Variants in N4BP2 observed in about 807,000 individuals in gnomAD.
N4BP2 encodes the protein NEDD4 binding protein 2.
A neutral mutation model predicts 152.8 loss-of-function variants in N4BP2; 91 were observed. The ratio of observed to expected loss-of-function variants is 0.60; its 90% CI spans 0.50 to 0.71. N4BP2 has a LOEUF of 0.71. Among genes scored for constraint, N4BP2 ranks in the 30% least tolerant of loss-of-function variants. N4BP2 has a pLI of 0.00. For missense variants in N4BP2, 1,923 were observed against 2,059.1 expected, an observed-to-expected ratio of 0.93 and a Z score of 1.28; for synonymous variants, 646 against 705.3, an observed-to-expected ratio of 0.92 and a Z score of 1.33.
chr4:40,163,813 C>A, the N4BP2 span, among the ~76,000 whole-genome samples: 1 of 152,218 alleles, frequency 6.6e-6, no homozygotes, highest in African/African-American at 2.4e-5. Flanking sequence ...TTTTGTGTTA[C>A]ACCTGGAAGC....
chr4:40,103,509 G>A (rs1715910565), intron 4 of N4BP2, among the ~76,000 whole-genome samples: 1 of 152,168 alleles, frequency 6.6e-6, no homozygotes, highest in Admixed American at 6.5e-5. Flanking sequence ...ATTTGAGTGG[G>A]AGAAAGATGA....
In N4BP2 at chr4:40,063,226, T is replaced by TAGGGGAA. The variant is rs147926795; in HGVS notation, c.-212+6198_-212+6204dup. Reference sequence around the variant, plus strand: ...CAGAAATACAGCTTGAAGTAGCCTGTAGGGGAAAAAGTTATTGGTTCATAT... The same window carrying TAGGGGAA: ...CAGAAATACAGCTTGAAGTAGCCTGTAGGGGAAAGGGGAAAAAGTTATTGGTTCATAT... On this transcript the variant is annotated intron_variant, in intron 1 of 17. Coordinates refer to ENST00000261435, the MANE Select transcript of N4BP2 (RefSeq NM_018177.6). 2.2e-3 allele frequency among the ~76,000 whole-genome samples: 339 copies of TAGGGGAA among 152,262 alleles called. 1 individual carries two copies. Among genetic ancestry groups the TAGGGGAA allele is most frequent in the Non-Finnish European group, 4.1e-3 (277 of 68,014 alleles).
intron 1 of N4BP2, among the ~76,000 whole-genome samples, chr4:40,063,071 G>A (rs567617639): frequency 1.8e-4 from 28 of 152,316 alleles, no homozygotes; most frequent in African/African-American, 6.5e-4. Context: ...TTTGATAGAT[G>A]AAAGTTTTCT....
At chr4:40,111,952 A>G in intron 5 of N4BP2, 132 bp from the exon 6 acceptor site, 1 of 565,560 alleles carries the variant, frequency 1.8e-6, no homozygotes, top group South Asian at 2.4e-5. Flanking sequence ...CCTCAAAGGG[A>G]TATTTAGAAG....
intron 13 of N4BP2, among the ~76,000 whole-genome samples, chr4:40,136,531 C>T (rs794012): frequency 0.094 from 14,365 of 152,086 alleles, 689 homozygotes; most frequent in East Asian, 0.13. Flanking sequence ...GGATTACAGG[C>T]GCGCGTCACC....
chr4:40,133,456 C>G (rs1380244874), intron 13 of N4BP2, among the ~76,000 whole-genome samples: 2 of 152,048 alleles, frequency 1.3e-5, no homozygotes, highest in Admixed American at 1.3e-4. Flanking sequence ...CTGCCTCAGC[C>G]TCCTAAGTAG....
At chr4:40,178,013 C>G in the N4BP2 span, among the ~76,000 whole-genome samples, 1 of 151,924 alleles carries the variant, frequency 6.6e-6, no homozygotes, top group Non-Finnish European at 1.5e-5. Flanking sequence ...AACAAAAAAA[C>G]AGTAAGTAGA....
At chr4:40,131,675 C>T (rs538537739) in intron 12 of N4BP2, 126 bp from the exon 13 acceptor site, 34 of 661,050 alleles carry the variant, frequency 5.1e-5, no homozygotes, top group Middle Eastern at 4.2e-4. Context: ...GCCTTTAATC[C>T]GTAAAGAAAG....
chr4:40,091,660 T>C (rs1714560912), intron 2 of N4BP2, among the ~76,000 whole-genome samples: 1 of 135,892 alleles, frequency 7.4e-6, no homozygotes, highest in Non-Finnish European at 1.5e-5. Context: ...GGCTGGAGCA[T>C]AGTGGTGTGA....
chr4:40,125,965 CT>C (rs1182206015), intron 11 of N4BP2, among the ~76,000 whole-genome samples, 168 bp from the exon 12 acceptor site: 1 of 151,282 alleles, frequency 6.6e-6, no homozygotes, highest in Non-Finnish European at 1.5e-5. Context: ...CTATTTCTTA[CT>C]TGCGATGACG....
intron 2 of N4BP2, among the ~76,000 whole-genome samples, chr4:40,091,936 A>G (rs1714586827): frequency 7.6e-6 from 1 of 131,918 alleles, no homozygotes; most frequent in African/African-American, 2.8e-5. Context: ...AAAAACAGTT[A>G]TATCCACTGC....
At chr4:40,129,847 A>G (rs1404503026) in intron 12 of N4BP2, among the ~76,000 whole-genome samples, 1 of 152,158 alleles carries the variant, frequency 6.6e-6, no homozygotes, top group Non-Finnish European at 1.5e-5. Flanking sequence ...TTTTAAAGCA[A>G]AAAATATAAC....
chr4:40,186,983 C>T, the N4BP2 span, among the ~76,000 whole-genome samples: 1 of 152,176 alleles, frequency 6.6e-6, no homozygotes, highest in Non-Finnish European at 1.5e-5. Context: ...ATATTTTAAG[C>T]TGGTTCTTTT....
chr4:40,100,738 C>A (rs1157476452), intron 3 of N4BP2, among the ~76,000 whole-genome samples: 2 of 152,132 alleles, frequency 1.3e-5, no homozygotes, highest in African/African-American at 4.8e-5. Flanking sequence ...GTCAGATATA[C>A]CAGTCCTGGC....
chr4:40,175,336 T>C, the N4BP2 span, among the ~76,000 whole-genome samples: 20 of 82,724 alleles, frequency 2.4e-4, no homozygotes, highest in Admixed American at 4.1e-4. Context: ...ATGTGAAATA[T>C]AGAAAAAAAA....
intron 2 of N4BP2, among the ~76,000 whole-genome samples, chr4:40,076,042 TA>T (rs1712697765): frequency 1.3e-5 from 2 of 152,004 alleles, no homozygotes; most frequent in South Asian, 4.1e-4. Context: ...CCCGGGCTTG[TA>T]TTGAACTCCT....
In N4BP2 at chr4:40,142,826, G is replaced by C. The variant is rs1720157178; in HGVS notation, c.4939G>C (p.Gly1647Arg). Residue 1647 changes from glycine to arginine, a missense_variant, in exon 15 of 18, where the codon GGG (glycine) becomes CGG (arginine). Transcript: ENST00000261435. ...CAAGGCCAAAGAAGCTTATCGGATA[G>C]GGAAAAAAAATGTCGCCACCTTTTA... is the stretch of plus-strand genomic sequence containing the variant. The part of the protein sequence containing the change: ...YSKAKEAYRI[G>R]KKNVATFYAQ... 1.2e-6 allele frequency: 2 copies of C among 1,613,098 alleles called. No homozygotes were observed. Among genetic ancestry groups the C allele is most frequent in the Non-Finnish European group, 1.7e-6 (2 of 1,179,746 alleles).
intron 2 of N4BP2, among the ~76,000 whole-genome samples, chr4:40,076,406 G>A (rs1560573539): frequency 6.6e-6 from 1 of 152,194 alleles, no homozygotes; most frequent in East Asian, 1.9e-4. Context: ...AACCTGGGAG[G>A]CAGAGGTAGC....
In N4BP2 at chr4:40,102,976, T is replaced by C. The variant is rs139267274; in HGVS notation, c.1131T>C (p.His377=). Residue 377 remains histidine (H), a synonymous_variant, in exon 4 of 18, where the codon CAT becomes CAC. Transcript: ENST00000261435. ...IPAFDLFQGN[H]GFVAPVVTTA... Reference sequence around the variant, plus strand: ...CTTTTGACCTCTTCCAAGGAAACCATGGCTTTGTAGCTCCTGTTGTAACCA... The same window carrying C: ...CTTTTGACCTCTTCCAAGGAAACCACGGCTTTGTAGCTCCTGTTGTAACCA... The C allele has an allele frequency of 7.2e-5, 116 of 1,614,214 alleles. No homozygotes were observed. In the East Asian group the frequency reaches 2.6e-3, roughly 36 times the overall value.
Sources: allele counts gnomAD v4.1 joint callset (sites outside exome capture counted in the v4.1 genomes callset), GRCh38; gene constraint gnomAD v4.1.1; transcripts MANE v1.5; gene names NCBI Gene and HGNC (gene_info 2026-07-23, HGNC 2026-07-21).